The following PCLO variants were observed in gnomAD, a reference collection of about 807,000 sequenced individuals.
PCLO encodes the protein protein piccolo.
A neutral mutation model predicts 427.5 loss-of-function variants in PCLO; 82 were observed. That is an observed-to-expected ratio of 0.19 (90% confidence interval 0.16 to 0.23). The LOEUF (loss-of-function observed/expected upper bound fraction) is 0.23. Ranked by LOEUF, PCLO falls within the 10% of genes least tolerant of loss-of-function variation. The pLI is 1.00. For synonymous variants in PCLO, 2,357 were observed against 2,155.4 expected (o/e 1.09, Z -2.59); for missense variants, 6,239 against 6,115.9 (o/e 1.02, Z -0.67).
At chr7:83,080,719 T>C (rs1388989983) in intron 3 of PCLO, among the ~76,000 whole-genome samples, 2 of 152,060 alleles carry the variant, frequency 1.3e-5, no homozygotes, top group African/African-American at 4.8e-5. Context: ...TTCCTGGATA[T>C]CTTTAGAAAT....
intron 3 of PCLO, among the ~76,000 whole-genome samples, chr7:83,124,056 C>A (rs1791359020): frequency 6.8e-6 from 1 of 148,034 alleles, no homozygotes. Context: ...CACCTGTAAT[C>A]TCAGTACTTC....
intron 2 of PCLO, among the ~76,000 whole-genome samples, chr7:83,138,697 A>G (rs1485960694): frequency 6.6e-6 from 1 of 151,932 alleles, no homozygotes; most frequent in Non-Finnish European, 1.5e-5. Flanking sequence ...GTCCTGATGG[A>G]GGCTATATAA....
chr7:83,148,885 C>T (rs149460171), intron 2 of PCLO, among the ~76,000 whole-genome samples: 1 of 152,194 alleles, frequency 6.6e-6, no homozygotes, highest in East Asian at 1.9e-4. Context: ...TTCTCTACTT[C>T]GAATGAGAGA....
rs1790049923 is a variant in PCLO at position 83,079,823 on chromosome 7, A to T, written c.3300+54427T>A. ...GCTGCACCTATCAACCCATTACTTAAGTATTAAGCCTAGCATGCATTAGCT... is the reference window on the plus strand; with the variant it reads ...GCTGCACCTATCAACCCATTACTTATGTATTAAGCCTAGCATGCATTAGCT... On this transcript the variant is annotated intron_variant, in intron 3 of 24. Transcript: ENST00000333891. Among the ~76,000 whole-genome samples, 4 of 152,010 alleles carry T rather than the reference A, an allele frequency of 2.6e-5. No homozygotes were observed. The South Asian group carries it at 8.3e-4, about 32-fold the overall frequency.
At chr7:83,035,053 T>C (rs539735813) in intron 3 of PCLO, among the ~76,000 whole-genome samples, 136 of 152,326 alleles carry the variant, frequency 8.9e-4, no homozygotes, top group African/African-American at 3.2e-3. Flanking sequence ...GGTGATATAA[T>C]ATCCATTTGA....
chr7:82,774,572 A>AT (rs1285400946), intron 22 of PCLO, among the ~76,000 whole-genome samples: 1 of 152,150 alleles, frequency 6.6e-6, no homozygotes, highest in Non-Finnish European at 1.5e-5. Flanking sequence ...TACTTTAATA[A>AT]TTTTTTTAAA....
Position 83,161,384 on chromosome 7 carries a change from T to A in PCLO, c.248+961A>T, listed in dbSNP as rs374779910. On this transcript the variant is annotated intron_variant, in intron 1 of 24. Transcript: ENST00000333891. ...TTCAGAACCACGGACAGAAAACTGT[T>A]CTCTACTAGAGGGTGCAAAGTTAAA... Among the ~76,000 whole-genome samples, 10 of 152,274 alleles carry A rather than the reference T, an allele frequency of 6.6e-5. 1 individual carries two copies. Among genetic ancestry groups the A allele is most frequent in the Admixed American group, 4.6e-4 (7 of 15,298 alleles).
intron 3 of PCLO, among the ~76,000 whole-genome samples, chr7:83,051,075 A>G (rs2116263834): frequency 6.6e-6 from 1 of 152,306 alleles, no homozygotes; most frequent in East Asian, 1.9e-4. Flanking sequence ...AACTTGATAA[A>G]GAACTTCTAC....
chr7:83,148,516 T>G (rs991147351), intron 2 of PCLO, among the ~76,000 whole-genome samples: 1 of 152,172 alleles, frequency 6.6e-6, no homozygotes. Context: ...AGTAAATACT[T>G]TTTTTTCTTT....
intron 3 of PCLO, among the ~76,000 whole-genome samples, chr7:83,007,524 T>G (rs971359636): frequency 1.3e-5 from 2 of 151,688 alleles, no homozygotes; most frequent in Admixed American, 6.6e-5. Context: ...GGAATCACTT[T>G]GGCAACTTAT....
chr7:82,979,854 T>C (rs1796108220), intron 3 of PCLO, among the ~76,000 whole-genome samples: 1 of 152,144 alleles, frequency 6.6e-6, no homozygotes, highest in African/African-American at 2.4e-5. Flanking sequence ...CCATTAGTAA[T>C]TCTAAAACTA....
chr7:83,026,069 ACAT>A (rs953780570), intron 3 of PCLO, among the ~76,000 whole-genome samples: 139 of 152,238 alleles, frequency 9.1e-4, no homozygotes, highest in African/African-American at 3.0e-3. Context: ...TCACCAGCTA[ACAT>A]CATCATGACA....
chr7:82,928,597 A>C (rs1233829740), intron 6 of PCLO, among the ~76,000 whole-genome samples: 1 of 151,834 alleles, frequency 6.6e-6, no homozygotes, highest in Non-Finnish European at 1.5e-5. Flanking sequence ...TTGGTCTCGA[A>C]CTCCTGACCT....
intron 9 of PCLO, 31 bp from the exon 10 acceptor site, chr7:82,879,493 C>A (rs772934545): frequency 6.7e-7 from 1 of 1,500,764 alleles, no homozygotes; most frequent in Non-Finnish European, 9.1e-7. Flanking sequence ...ATTATTAGTA[C>A]TAATTTAAGA....
chr7:82,945,574 A>G (rs1419129185), intron 6 of PCLO, among the ~76,000 whole-genome samples: 4 of 152,206 alleles, frequency 2.6e-5, no homozygotes, highest in African/African-American at 4.8e-5. Flanking sequence ...AGACACATAC[A>G]GAAGGAATAC....
intron 2 of PCLO, among the ~76,000 whole-genome samples, chr7:83,151,753 C>A (rs1026023636): frequency 6.6e-6 from 1 of 152,162 alleles, no homozygotes; most frequent in Admixed American, 6.6e-5. Context: ...ATCTCTCTTC[C>A]TACCATAGGT....
intron 22 of PCLO, among the ~76,000 whole-genome samples, chr7:82,769,078 C>T (rs1790591929): frequency 6.6e-6 from 1 of 152,180 alleles, no homozygotes; most frequent in African/African-American, 2.4e-5. Flanking sequence ...GCTCCATTCT[C>T]TCATGGCTAC....
chr7:83,061,755 A>G (rs554658648), intron 3 of PCLO, among the ~76,000 whole-genome samples: 36 of 152,266 alleles, frequency 2.4e-4, no homozygotes, highest in African/African-American at 8.7e-4. Context: ...CCTCAACTAG[A>G]CACAGTCATA....
intron 3 of PCLO, among the ~76,000 whole-genome samples, chr7:83,003,000 T>C (rs1787860294): frequency 6.6e-6 from 1 of 151,718 alleles, no homozygotes; most frequent in Non-Finnish European, 1.5e-5. Flanking sequence ...TTTAGATTTA[T>C]TTTTCCTTGC....
Sources: allele counts gnomAD v4.1 joint callset (sites outside exome capture counted in the v4.1 genomes callset), GRCh38; gene constraint gnomAD v4.1.1; transcripts MANE v1.5; gene names NCBI Gene and HGNC (gene_info 2026-07-23, HGNC 2026-07-21).